Variants in NR6A1 observed in about 807,000 individuals in gnomAD.
NR6A1 encodes the protein retinoic acid receptor-related testis-associated receptor.
Under a neutral mutation model 59.1 loss-of-function variants are expected in NR6A1, and 7 were observed. That is an observed-to-expected ratio of 0.12 (90% CI 0.07 to 0.22). The LOEUF (loss-of-function observed/expected upper bound fraction) is 0.22, where lower values mean the gene tolerates loss of function less well. Among genes scored for constraint, NR6A1 ranks in the 10% least tolerant of loss-of-function variants. NR6A1 has a pLI of 1.00. For missense variants in NR6A1, 468 were observed against 611.6 expected (o/e 0.77, Z 2.48); for synonymous variants, 243 against 236.1 (o/e 1.03, Z -0.27).
rs1166252298 is a variant in NR6A1, at chr9:124,518,020, G to A, written c.*4685C>T. ...TTATCACCTATTACAAGACATTTTA[G>A]AGAAAGAAAACAATGGTCATTAAAG... On this transcript the variant is annotated 3_prime_UTR_variant, in exon 10 of 10. Coordinates refer to ENST00000487099, the MANE Select transcript of NR6A1 (RefSeq NM_033334.4). The A allele has an allele frequency of 1.3e-5, 2 of 151,180 alleles. No homozygotes were observed. Among genetic ancestry groups the A allele is most frequent in the African/African-American group, 4.9e-5 (2 of 40,978 alleles). The allele number at this position is 151,180 out of a possible 1,614,324, so 9.4% of individuals were successfully genotyped here.
At chr9:124,544,593 G>A (rs573783098) in intron 3 of NR6A1, among the ~76,000 whole-genome samples, 2 of 152,266 alleles carry the variant, frequency 1.3e-5, no homozygotes, top group East Asian at 3.9e-4. Context: ...TAGGATTTAG[G>A]CAGCCAGGAA....
intron 2 of NR6A1, among the ~76,000 whole-genome samples, chr9:124,579,368 T>C (rs867104211): frequency 2.0e-5 from 3 of 151,940 alleles, no homozygotes; most frequent in Middle Eastern, 3.2e-3. Context: ...CCTGGCTACA[T>C]AGCAAGATCC....
chr9:124,766,866 A>G (rs1025337950), intron 1 of NR6A1, among the ~76,000 whole-genome samples: 1 of 152,218 alleles, frequency 6.6e-6, no homozygotes, highest in East Asian at 1.9e-4. Context: ...CAATTTTTCA[A>G]CATAACCAAT....
At chr9:124,731,518 CAG>C (rs144876700) in intron 2 of NR6A1, among the ~76,000 whole-genome samples, 5,532 of 152,226 alleles carry the variant, frequency 0.036, 315 homozygotes, top group African/African-American at 0.13. Flanking sequence ...CACTTCTACG[CAG>C]ACTTTTTTCA....
intron 4 of NR6A1, among the ~76,000 whole-genome samples, chr9:124,543,592 G>C (rs1833510248): frequency 6.6e-6 from 1 of 152,188 alleles, no homozygotes; most frequent in Non-Finnish European, 1.5e-5. Context: ...GAAAGGCTGA[G>C]GGATCACAGG....
intron 2 of NR6A1, among the ~76,000 whole-genome samples, chr9:124,727,177 CAT>C (rs926974539): frequency 6.6e-6 from 1 of 152,160 alleles, no homozygotes; most frequent in African/African-American, 2.4e-5. Flanking sequence ...AAAACTACAA[CAT>C]ATGTCATCTT....
rs890542135 is a variant in NR6A1, at chr9:124,643,493, G to A, written c.143-88923C>T. 3.3e-5 allele frequency among the ~76,000 whole-genome samples: 5 copies of A among 152,012 alleles called. No individual in the cohort carries two copies. In the South Asian group the frequency reaches 1.0e-3, roughly 32 times the overall value. The stretch of plus-strand genomic sequence containing the variant: ...CGTGCACCTGTAGTCCCAGGTACTC[G>A]GGAGGTTGAGGTGGGAGGATTGCTG... On this transcript the variant is annotated intron_variant, in intron 2 of 9. Coordinates refer to ENST00000487099, the MANE Select transcript of NR6A1 (RefSeq NM_033334.4).
rs147565434 is a variant in NR6A1, at chr9:124,718,445, T to TC, written c.142+14862dup. On this transcript the variant is annotated intron_variant, in intron 2 of 9. Transcript: ENST00000487099. ...GTTCCTGCTACTTGAGGACTCTGAT[T>TC]CCCCCTTCCTTAGAACAATTTCAAG... Among the ~76,000 whole-genome samples the TC allele has an allele frequency of 5.5e-3, 836 of 152,270 alleles. 7 individuals are homozygous for TC. Among genetic ancestry groups the TC allele is most frequent in the African/African-American group, 0.02 (814 of 41,522 alleles).
intron 1 of NR6A1, among the ~76,000 whole-genome samples, chr9:124,770,571 C>A (rs977736638): frequency 1.4e-5 from 2 of 147,278 alleles, no homozygotes; most frequent in South Asian, 2.2e-4. Context: ...TAAGGGAACC[C>A]GAGTGAGGGG....
At chr9:124,614,437 C>G (rs1835834980) in intron 2 of NR6A1, among the ~76,000 whole-genome samples, 1 of 152,138 alleles carries the variant, frequency 6.6e-6, no homozygotes, top group Admixed American at 6.5e-5. Flanking sequence ...ATTTATATAT[C>G]CCCCAACAAC....
chr9:124,697,262 G>A (rs1838796475), intron 2 of NR6A1, among the ~76,000 whole-genome samples: 1 of 152,208 alleles, frequency 6.6e-6, no homozygotes, highest in African/African-American at 2.4e-5. Context: ...ATACTTATTG[G>A]ACACCTAGTG....
intron 2 of NR6A1, among the ~76,000 whole-genome samples, chr9:124,647,333 T>C (rs915336702): frequency 2.0e-5 from 3 of 152,088 alleles, no homozygotes; most frequent in African/African-American, 4.8e-5. Flanking sequence ...ATTTCAGAAA[T>C]ACAAAGCATC....
chr9:124,750,971 C>G (rs1840483627), intron 1 of NR6A1, among the ~76,000 whole-genome samples: 1 of 152,144 alleles, frequency 6.6e-6, no homozygotes, highest in South Asian at 2.1e-4. Flanking sequence ...CTACCAGAAG[C>G]TAGTGCTCAG....
At chr9:124,593,913 C>T (rs923897312) in intron 2 of NR6A1, among the ~76,000 whole-genome samples, 8 of 152,240 alleles carry the variant, frequency 5.3e-5, no homozygotes, top group Admixed American at 2.6e-4. Context: ...TCCTGCCTAG[C>T]GACTGGCAGG....
intron 2 of NR6A1, among the ~76,000 whole-genome samples, chr9:124,720,621 T>C (rs1029454102): frequency 2.6e-5 from 4 of 152,180 alleles, no homozygotes; most frequent in African/African-American, 7.2e-5. Flanking sequence ...TCAGATCATA[T>C]CTATGACAAA....
At chr9:124,696,304 C>A (rs1475974136) in intron 2 of NR6A1, among the ~76,000 whole-genome samples, 3 of 151,974 alleles carry the variant, frequency 2.0e-5, no homozygotes, top group African/African-American at 7.3e-5. Context: ...CACAAGTTAG[C>A]AGGGGTAGAA....
At chr9:124,580,224 C>A (rs1186593487) in intron 2 of NR6A1, among the ~76,000 whole-genome samples, 1 of 152,110 alleles carries the variant, frequency 6.6e-6, no homozygotes, top group Non-Finnish European at 1.5e-5. Flanking sequence ...CAGAATACTA[C>A]CCAGCAATTA....
At chr9:124,536,656 CTCTG>C (rs1833276036) in intron 6 of NR6A1, among the ~76,000 whole-genome samples, 1 of 148,962 alleles carries the variant, frequency 6.7e-6, no homozygotes, top group Non-Finnish European at 1.5e-5. Context: ...CAGAGCAAGA[CTCTG>C]TCTAAAAAAA....
At chr9:124,670,329 C>T (rs940743755) in intron 2 of NR6A1, among the ~76,000 whole-genome samples, 3 of 152,138 alleles carry the variant, frequency 2.0e-5, no homozygotes, top group Admixed American at 6.6e-5. Context: ...GAGTTGGAGG[C>T]TGCAGTGGGC....
Sources: allele counts gnomAD v4.1 joint callset (sites outside exome capture counted in the v4.1 genomes callset), GRCh38; gene constraint gnomAD v4.1.1; transcripts MANE v1.5; gene names NCBI Gene and HGNC (gene_info 2026-07-23, HGNC 2026-07-21).